FARSB: variants seen among roughly 807,000 people sequenced by gnomAD.
FARSB encodes phenylalanyl-tRNA synthetase subunit beta, also known as phenylalanine--tRNA ligase beta subunit.
FARSB carries 40 observed loss-of-function variants against 69.6 expected under a neutral mutation model. The observed-to-expected ratio is 0.57, with a 90% CI of 0.45 to 0.75. The LOEUF is 0.75. Ranked by LOEUF, FARSB falls within the 30% of genes least tolerant of loss-of-function variation. FARSB has a pLI of 0.00. For missense variants in FARSB, 632 were observed against 722.9 expected (o/e 0.87, Z 1.44); for synonymous variants, 235 against 247.2 (o/e 0.95, Z 0.46).
intron 3 of FARSB, among the ~76,000 whole-genome samples, chr2:222,642,412 G>A (rs947762946): frequency 2.6e-5 from 4 of 152,312 alleles, no homozygotes; most frequent in Middle Eastern, 3.4e-3. Flanking sequence ...TCACAGAGCC[G>A]TCATAAGATC....
intron 14 of FARSB, among the ~76,000 whole-genome samples, chr2:222,617,925 T>C (rs1487836734): frequency 1.3e-5 from 2 of 152,072 alleles, no homozygotes; most frequent in African/African-American, 2.4e-5. Context: ...AAAAAAGTAA[T>C]CAAGCTAGAT....
At position 222,628,665 on chromosome 2, in the gene FARSB, C is replaced by G. The variant is rs145813660; in HGVS notation, c.900+172G>C. 5.7e-3 allele frequency among the ~76,000 whole-genome samples: 870 copies of G among 152,238 alleles called. 5 individuals are homozygous for G. Among genetic ancestry groups the G allele is most frequent in the African/African-American group, 0.02 (821 of 41,530 alleles). On this transcript the variant is annotated intron_variant, in intron 10 of 16. Coordinates refer to ENST00000281828, the MANE Select transcript of FARSB (RefSeq NM_005687.5). ...ATCTGGAAAAAGCTTAATAAGAGCA[C>G]CTACCCTCACAGGATTATGGTGAAG...
intron 16 of FARSB, among the ~76,000 whole-genome samples, chr2:222,595,462 T>G (rs1690385563): frequency 6.6e-6 from 1 of 152,178 alleles, no homozygotes; most frequent in African/African-American, 2.4e-5. Flanking sequence ...TACTACCCAC[T>G]GTGTATACAG....
chr2:222,567,936 G>T lies in FARSB; in HGVS notation c.*3935C>A, dbSNP rs146457840. 6.6e-6 allele frequency: 1 copy of T among 152,272 alleles called. No individual in the cohort carries two copies. The allele number at this position is 152,272 out of a possible 1,614,324, so 9.4% of individuals were successfully genotyped here. ...AACAATTACGGACATCTGTACAATAGAATATTACCTCATTTAAAAGAATGA... is the reference window on the plus strand; with the variant it reads ...AACAATTACGGACATCTGTACAATATAATATTACCTCATTTAAAAGAATGA... On this transcript the variant is annotated 3_prime_UTR_variant, in exon 17 of 17. Transcript: ENST00000281828.
At position 222,623,868 on chromosome 2, in the gene FARSB, C is replaced by T. The variant is rs112456913; in HGVS notation, c.1171-138G>A. ...TTAAAAACCTTTTCACCCTTACTAACGTACTGCTAATGCCACTATTTCCCT... is the reference window on the plus strand; with the variant it reads ...TTAAAAACCTTTTCACCCTTACTAATGTACTGCTAATGCCACTATTTCCCT... On this transcript the variant is annotated intron_variant, in intron 12 of 16. Coordinates refer to ENST00000281828, the MANE Select transcript of FARSB (RefSeq NM_005687.5). 2.6e-3 allele frequency: 1,647 copies of T among 639,184 alleles called. 20 individuals are homozygous for T. The African/African-American group carries it at 0.026, about 10-fold the overall frequency. 39.6% of individuals were successfully genotyped at this position (639,184 alleles called of 1,614,324 possible).
At chr2:222,608,498 C>T (rs12476402) in intron 15 of FARSB, among the ~76,000 whole-genome samples, 7,000 of 152,082 alleles carry the variant, frequency 0.046, 301 homozygotes, top group African/African-American at 0.11. Context: ...ATTGAAAGAA[C>T]AAACCAAATC....
intron 3 of FARSB, 44 bp downstream of exon 3, chr2:222,642,807 G>A: frequency 2.1e-6 from 3 of 1,462,786 alleles, no homozygotes; most frequent in Non-Finnish European, 2.8e-6. Flanking sequence ...GGAAAGAAAA[G>A]AAAACCCAAC....
rs372481653 is a variant in FARSB at position 222,656,070 on chromosome 2, G to C, written c.4C>G (p.Pro2Ala). The change falls in exon 1 of 17, where the codon CCG (proline) becomes GCG (alanine). Residue 2 changes from proline to alanine, a missense_variant. Physicochemically the swap from Pro to Ala is conservative, Grantham distance 27. Coordinates refer to ENST00000281828, the MANE Select transcript of FARSB (RefSeq NM_005687.5). ...AGATCACGCTTCACGCTGACAGTCGGCATGGTGTGTCGAACTCACTGCGCC... is the reference window on the plus strand; with the variant it reads ...AGATCACGCTTCACGCTGACAGTCGCCATGGTGTGTCGAACTCACTGCGCC... The part of the protein sequence containing the change: M[P>A]TVSVKRDLLF... The C allele has an allele frequency of 1.9e-6, 3 of 1,595,326 alleles. No individual in the cohort carries two copies. Among genetic ancestry groups the C allele is most frequent in the Admixed American group, 3.6e-5 (2 of 56,252 alleles).
chr2:222,643,773 A>C (rs1308630055), intron 2 of FARSB, among the ~76,000 whole-genome samples: 1 of 152,218 alleles, frequency 6.6e-6, no homozygotes, highest in African/African-American at 2.4e-5. Flanking sequence ...GGCAGCCAAG[A>C]GGGAGATGAC....
At chr2:222,628,968 T>C in intron 9 of FARSB, 80 bp from the exon 10 acceptor site, 1 of 995,968 alleles carries the variant, frequency 1.0e-6, no homozygotes, top group Non-Finnish European at 1.6e-6. Flanking sequence ...TTATCAAATC[T>C]TTCATTTGGG....
rs1689664741 is a variant in FARSB at position 222,568,392 on chromosome 2, G to C, written c.*3479C>G. ...GTGGACTCCAAGTCACTCTTTTATAGTGTCTCAAACTCATTTATTGGCTAT... is the reference window on the plus strand; with the variant it reads ...GTGGACTCCAAGTCACTCTTTTATACTGTCTCAAACTCATTTATTGGCTAT... On this transcript the variant is annotated 3_prime_UTR_variant, in exon 17 of 17. Transcript: ENST00000281828. The surrounding 1 kb of genome is among the most constrained non-coding windows in gnomAD (Gnocchi z 4.3). The C allele has an allele frequency of 6.6e-6, 1 of 152,102 alleles. No homozygotes were observed. The highest frequency in any genetic ancestry group is 6.5e-5 in the Admixed American group (1 of 15,280). The allele number at this position is 152,102 out of a possible 1,614,324, so 9.4% of individuals were successfully genotyped here. A position where few individuals can be genotyped will look rare whatever the true frequency, so the allele number is the denominator to read the frequency against.
At chr2:222,587,003 G>A (rs1476629370) in intron 16 of FARSB, among the ~76,000 whole-genome samples, 1 of 152,152 alleles carries the variant, frequency 6.6e-6, no homozygotes. Context: ...TGCACCAAGT[G>A]GACCTAATAG....
intron 5 of FARSB, among the ~76,000 whole-genome samples, chr2:222,637,342 G>C (rs952927511): frequency 6.6e-6 from 1 of 152,176 alleles, no homozygotes; most frequent in African/African-American, 2.4e-5. Context: ...ACATAGCTGA[G>C]AGTTTGGGGA....
chr2:222,583,267 T>A (rs1690019568), intron 16 of FARSB, among the ~76,000 whole-genome samples: 1 of 152,224 alleles, frequency 6.6e-6, no homozygotes, highest in Non-Finnish European at 1.5e-5. Context: ...ACAGTATATT[T>A]ACATAATTTC....
chr2:222,648,379 A>G (rs917087058), intron 2 of FARSB, among the ~76,000 whole-genome samples: 1 of 152,158 alleles, frequency 6.6e-6, no homozygotes, highest in Non-Finnish European at 1.5e-5. Flanking sequence ...GAAGTGAAGG[A>G]GGCAGGGTAA....
intron 16 of FARSB, among the ~76,000 whole-genome samples, chr2:222,577,212 G>T (rs1689860090): frequency 6.6e-6 from 1 of 152,188 alleles, no homozygotes; most frequent in Non-Finnish European, 1.5e-5. Context: ...CATTTAATTT[G>T]TAAGTGGAGA....
At chr2:222,589,316 A>G (rs1690202912) in intron 16 of FARSB, among the ~76,000 whole-genome samples, 1 of 152,228 alleles carries the variant, frequency 6.6e-6, no homozygotes, top group Non-Finnish European at 1.5e-5. Context: ...CCATATGTAG[A>G]AAGCTGAAAC....
intron 16 of FARSB, among the ~76,000 whole-genome samples, chr2:222,583,438 G>A (rs1690023716): frequency 6.6e-6 from 1 of 152,192 alleles, no homozygotes; most frequent in Non-Finnish European, 1.5e-5. Flanking sequence ...CATGCATTGG[G>A]AAGTTAGCAT....
rs1344574036 is a variant in FARSB at position 222,569,049 on chromosome 2, A to G, written c.*2822T>C. On this transcript the variant is annotated 3_prime_UTR_variant, in exon 17 of 17. Coordinates refer to ENST00000281828, the MANE Select transcript of FARSB (RefSeq NM_005687.5). ...CACAGACTGCCCTGGCTCCAGTTCA[A>G]ATGCTTCACCAGGGACAAGTGTAAG... 6.6e-6 allele frequency: 1 copy of G among 152,196 alleles called. No homozygotes were observed. The highest frequency in any genetic ancestry group is 2.4e-5 in the African/African-American group (1 of 41,460). The allele number at this position is 152,196 out of a possible 1,614,324, so 9.4% of individuals were successfully genotyped here.
Sources: allele counts gnomAD v4.1 joint callset (sites outside exome capture counted in the v4.1 genomes callset), GRCh38; gene constraint gnomAD v4.1.1; non-coding constraint Gnocchi (gnomAD v3.1); transcripts MANE v1.5; gene names NCBI Gene and HGNC (gene_info 2026-07-23, HGNC 2026-07-21).